The following CNOT2 variants were observed in gnomAD, a reference collection of about 807,000 sequenced individuals.
CNOT2 encodes the protein CCR4-NOT transcription complex subunit 2, also known as CC chemokine receptor 4-negative regulator of transcription 2.
Under a neutral mutation model 72.1 loss-of-function variants are expected in CNOT2, and 7 were observed. The ratio of observed to expected loss-of-function variants is 0.10; its 90% CI spans 0.06 to 0.18. The LOEUF is 0.18. Ranked by LOEUF, CNOT2 falls within the 10% of genes least tolerant of loss-of-function variation. CNOT2 has a pLI of 1.00. For missense variants in CNOT2, 345 were observed against 660.3 expected (o/e 0.52, Z 5.23); for synonymous variants, 196 against 225.6 (o/e 0.87, Z 1.17).
At chr12:70,258,840 C>T (rs1287484026) in intron 1 of CNOT2, among the ~76,000 whole-genome samples, 1 of 152,062 alleles carries the variant, frequency 6.6e-6, no homozygotes, top group Non-Finnish European at 1.5e-5. Context: ...GAAGGGACAA[C>T]AACAAAGAAC....
chr12:70,269,715 C>A (rs890734015), intron 1 of CNOT2, among the ~76,000 whole-genome samples: 1 of 152,114 alleles, frequency 6.6e-6, no homozygotes, highest in Non-Finnish European at 1.5e-5. Flanking sequence ...TTGTTACCTA[C>A]ATTTTAAATT....
chr12:70,352,914 A>G (rs761681405), intron 15 of CNOT2, among the ~76,000 whole-genome samples: 16 of 151,972 alleles, frequency 1.1e-4, no homozygotes, highest in Non-Finnish European at 1.9e-4. Context: ...CTAGTTTTCA[A>G]ATGTTCCTAC....
chr12:70,342,823 T>A (rs1881683302), intron 13 of CNOT2, among the ~76,000 whole-genome samples: 1 of 152,194 alleles, frequency 6.6e-6, no homozygotes, highest in South Asian at 2.1e-4. Flanking sequence ...TTAGAAGAAC[T>A]GAGAGTTTGT....
At chr12:70,247,642 C>A (rs536106336) in intron 1 of CNOT2, among the ~76,000 whole-genome samples, 1 of 152,308 alleles carries the variant, frequency 6.6e-6, no homozygotes, top group African/African-American at 2.4e-5. Flanking sequence ...TTTTACTCTT[C>A]AAACTTCTAT....
intron 1 of CNOT2, among the ~76,000 whole-genome samples, chr12:70,273,043 C>A (rs1191758887): frequency 6.6e-6 from 1 of 152,142 alleles, no homozygotes. Flanking sequence ...TTCTCTCTCT[C>A]CATCTTGTAT....
chr12:70,247,701 G>A (rs554742733), intron 1 of CNOT2, among the ~76,000 whole-genome samples: 13 of 152,298 alleles, frequency 8.5e-5, no homozygotes, highest in Admixed American at 8.5e-4. Flanking sequence ...TGGACTGGGA[G>A]CACCTGAGAG....
intron 1 of CNOT2, among the ~76,000 whole-genome samples, chr12:70,259,546 A>G (rs1002152474): frequency 6.6e-6 from 1 of 152,152 alleles, no homozygotes; most frequent in African/African-American, 2.4e-5. Context: ...GCAACCACAG[A>G]TCTGCTTTCT....
intron 13 of CNOT2, 57 bp from the exon 14 acceptor site, chr12:70,344,071 A>G (rs747177422): frequency 4.3e-6 from 5 of 1,174,710 alleles, no homozygotes; most frequent in Non-Finnish European, 6.1e-6. Context: ...TAGCAACTAT[A>G]TATTAGGATT....
intron 2 of CNOT2, among the ~76,000 whole-genome samples, chr12:70,288,994 C>A (rs913841068): frequency 6.6e-6 from 1 of 150,842 alleles, no homozygotes; most frequent in African/African-American, 2.4e-5. Context: ...ACTTCTTATC[C>A]CTTTCTTCTC....
At chr12:70,299,100 C>T (rs1457316059) in intron 2 of CNOT2, among the ~76,000 whole-genome samples, 3 of 152,054 alleles carry the variant, frequency 2.0e-5, no homozygotes, top group East Asian at 1.9e-4. Flanking sequence ...GGGGAGGTCT[C>T]ACAATCGTGG....
At chr12:70,315,633 A>G (rs1014109161) in intron 3 of CNOT2, among the ~76,000 whole-genome samples, 1 of 152,154 alleles carries the variant, frequency 6.6e-6, no homozygotes, top group Non-Finnish European at 1.5e-5. Context: ...GGGTTAGGGG[A>G]ATAACCAGAA....
At chr12:70,244,322 C>T (rs1362872617) in intron 1 of CNOT2, 4 of 152,058 alleles carry the variant, frequency 2.6e-5, no homozygotes, top group Admixed American at 6.6e-5. Flanking sequence ...CTTTTGCTGT[C>T]GTAGGTCTCG....
At chr12:70,281,501 A>G (rs1032150253) in intron 2 of CNOT2, among the ~76,000 whole-genome samples, 51 of 152,276 alleles carry the variant, frequency 3.3e-4, no homozygotes, top group African/African-American at 1.1e-3. Context: ...TACTTTTTGT[A>G]GTAGATTTTC....
intron 4 of CNOT2, among the ~76,000 whole-genome samples, chr12:70,326,137 A>G (rs187335133): frequency 1.3e-5 from 2 of 151,984 alleles, no homozygotes; most frequent in East Asian, 3.9e-4. Context: ...GTGTTCGTAT[A>G]GTCCTCCTAA....
intron 4 of CNOT2, chr12:70,327,802 G>C (rs889866267): frequency 2.0e-5 from 3 of 150,376 alleles, no homozygotes; most frequent in African/African-American, 7.3e-5. Context: ...TTAAATGTTT[G>C]TTGAATGAAT....
chr12:70,318,179 T>A (rs916152407), intron 3 of CNOT2, among the ~76,000 whole-genome samples: 1 of 152,004 alleles, frequency 6.6e-6, no homozygotes, highest in African/African-American at 2.4e-5. Flanking sequence ...CCATTTTGAT[T>A]GCCACCTTCT....
intron 1 of CNOT2, among the ~76,000 whole-genome samples, chr12:70,254,395 A>G (rs1958318286): frequency 6.6e-6 from 1 of 152,200 alleles, no homozygotes. Context: ...ATATGTAGCA[A>G]GGATATCATG....
intron 7 of CNOT2, chr12:70,334,381 A>T: frequency 6.6e-6 from 1 of 152,074 alleles, no homozygotes; most frequent in East Asian, 1.9e-4. Context: ...TTGTAATTTG[A>T]AATTGTCACC....
chr12:70,309,471 G>A (rs186294028), intron 2 of CNOT2, among the ~76,000 whole-genome samples: 3 of 152,190 alleles, frequency 2.0e-5, no homozygotes, highest in Non-Finnish European at 2.9e-5. Context: ...AACAGCATGG[G>A]TGCTTTCAAC....
Sources: allele counts gnomAD v4.1 joint callset (sites outside exome capture counted in the v4.1 genomes callset), GRCh38; gene constraint gnomAD v4.1.1; transcripts MANE v1.5; gene names NCBI Gene and HGNC (gene_info 2026-07-23, HGNC 2026-07-21).